Variants in PCDHGB4 observed in about 807,000 individuals in gnomAD.
PCDHGB4 encodes the protein protocadherin gamma-B4.
In PCDHGB4, 38 loss-of-function variants were observed where a neutral mutation model predicts 60.5. The ratio of observed to expected loss-of-function variants is 0.63; its 90% confidence interval spans 0.48 to 0.82. The LOEUF (loss-of-function observed/expected upper bound fraction) is 0.82, where lower values mean the gene tolerates loss of function less well. Among genes scored for constraint, PCDHGB4 ranks in the 40% least tolerant of loss-of-function variants. PCDHGB4 has a pLI of 0.00. For missense variants in PCDHGB4, 1,109 were observed against 1,209.6 expected (o/e 0.92, Z 1.23); for synonymous variants, 456 against 509.7 (o/e 0.89, Z 1.42).
Position 141,505,350 on chromosome 5 carries a change from G to A in PCDHGB4, c.2457-43G>A, listed in dbSNP as rs367663588. ...AGAGGACAGGAGGGGCATGAGCTGT[G>A]CCGGCCTGGGAGTCTGTGCTCACCA... On this transcript the variant is annotated intron_variant, in intron 2 of 3. Transcript: ENST00000519479. The A allele has an allele frequency of 4.3e-6, 7 of 1,613,264 alleles. No homozygotes were observed. In the African/African-American group the frequency reaches 6.7e-5, roughly 15 times the overall value.
chr5:141,404,849 C>G, intron 1 of PCDHGB4: 1 of 1,613,862 alleles, frequency 6.2e-7, no homozygotes, highest in Non-Finnish European at 8.5e-7. Context: ...TCGGGCCCTG[C>G]TAGATAGAGA....
At chr5:141,427,650 G>C (rs1352503291) in intron 1 of PCDHGB4, 1 of 718,312 alleles carries the variant, frequency 1.4e-6, no homozygotes. Flanking sequence ...AGTCTCCTAC[G>C]TGGTCCACGT....
chr5:141,498,053 G>A (rs2099781284), intron 2 of PCDHGB4, among the ~76,000 whole-genome samples: 1 of 152,204 alleles, frequency 6.6e-6, no homozygotes, highest in Non-Finnish European at 1.5e-5. Flanking sequence ...AAATAAATGT[G>A]AGACTGAAAC....
intron 1 of PCDHGB4, chr5:141,421,806 A>G: frequency 6.2e-7 from 1 of 1,613,842 alleles, no homozygotes; most frequent in Non-Finnish European, 8.5e-7. Context: ...CCAAGAATCC[A>G]GAGCTAGTAC....
chr5:141,459,843 T>C (rs1328781794), intron 1 of PCDHGB4, among the ~76,000 whole-genome samples: 1 of 152,228 alleles, frequency 6.6e-6, no homozygotes, highest in African/African-American at 2.4e-5. Context: ...TGTCTATTTG[T>C]ATATCTTCTT....
At chr5:141,492,256 A>G (rs1323720621) in intron 1 of PCDHGB4, among the ~76,000 whole-genome samples, 1 of 151,974 alleles carries the variant, frequency 6.6e-6, no homozygotes, top group Non-Finnish European at 1.5e-5. Context: ...CGGCCCACAC[A>G]AGTTGCACGG....
intron 1 of PCDHGB4, among the ~76,000 whole-genome samples, chr5:141,492,336 A>G (rs1353947767): frequency 1.3e-5 from 2 of 152,072 alleles, no homozygotes; most frequent in East Asian, 3.9e-4. Context: ...TTACGCGAAT[A>G]CCAGCTTTCA....
At chr5:141,509,117 G>A (rs1271574654) in intron 3 of PCDHGB4, among the ~76,000 whole-genome samples, 1 of 152,150 alleles carries the variant, frequency 6.6e-6, no homozygotes, top group Admixed American at 6.5e-5. Flanking sequence ...GCGCTGGTGC[G>A]TGAAGAGAAA....
Position 141,486,817 on chromosome 5 carries a change from T to A in PCDHGB4, c.2398-7990T>A, listed in dbSNP as rs143638501. On this transcript the variant is annotated intron_variant, in intron 1 of 3. Transcript: ENST00000519479. The surrounding 1 kb of genome is among the most constrained non-coding windows in gnomAD (Gnocchi z 5.0). ...GGGGCAACCCACCCCTTAGCAGCAC[T>A]GTAACAGTTCGTCTATTTGTGCTGG... 1 of 1,614,102 alleles carries A rather than the reference T, an allele frequency of 6.2e-7. No homozygotes were observed. Among genetic ancestry groups the A allele is most frequent in the East Asian group, 2.2e-5 (1 of 44,898 alleles).
chr5:141,484,716 G>C (rs1375103858), intron 1 of PCDHGB4, among the ~76,000 whole-genome samples: 1 of 152,030 alleles, frequency 6.6e-6, no homozygotes, highest in African/African-American at 2.4e-5. Context: ...CGCCGAAAAG[G>C]GGCGGGGTCA....
intron 1 of PCDHGB4, among the ~76,000 whole-genome samples, chr5:141,447,279 A>G (rs1394174534): frequency 1.3e-5 from 2 of 152,156 alleles, no homozygotes; most frequent in African/African-American, 4.8e-5. Flanking sequence ...AGCTGGGACT[A>G]CAGGCACATG....
chr5:141,413,122 G>A, intron 1 of PCDHGB4: 1 of 1,525,890 alleles, frequency 6.6e-7, no homozygotes. Flanking sequence ...GGAACCGGTT[G>A]AAACACACAA....
At chr5:141,497,129 T>G (rs528066007) in intron 2 of PCDHGB4, among the ~76,000 whole-genome samples, 1 of 151,692 alleles carries the variant, frequency 6.6e-6, no homozygotes, top group Admixed American at 6.6e-5. Flanking sequence ...GAGGTTGCAG[T>G]GAGCTGAGAT....
chr5:141,405,638 CT>C lies in PCDHGB4; in HGVS notation c.2397+15358del. ...TACAGGCACGTGCCACCACGCCCGG[CT>C]AATTTTTTGTGTGTTTTTAGTAGAG... is the stretch of plus-strand genomic sequence containing the variant. On this transcript the variant is annotated intron_variant, in intron 1 of 3. Coordinates refer to ENST00000519479, the MANE Select transcript of PCDHGB4 (RefSeq NM_003736.4). 3 of 528,680 alleles carry C rather than the reference CT, an allele frequency of 5.7e-6. No individual in the cohort carries two copies. The East Asian group carries it at 9.4e-5, about 17-fold the overall frequency. 32.7% of individuals were successfully genotyped at this position (528,680 alleles called of 1,614,324 possible).
rs1421124374 is a variant in PCDHGB4, at chr5:141,431,186, A to G, written c.2397+40905A>G. The G allele has an allele frequency of 1.9e-6, 3 of 1,614,110 alleles. No individual in the cohort carries two copies. ...TGAAAGTGAATTAGAAATAAAAATT[A>G]GTGAAAATGCAGCCACTGAGATGCG... On this transcript the variant is annotated intron_variant, in intron 1 of 3. Transcript: ENST00000519479. This position sits in a 1 kb window ranked among gnomAD's most constrained non-coding sequence, Gnocchi z 4.8.
At chr5:141,414,692 C>T (rs2095777962) in intron 1 of PCDHGB4, 1 of 1,613,918 alleles carries the variant, frequency 6.2e-7, no homozygotes, top group African/African-American at 1.3e-5. Flanking sequence ...GTACCTCTGT[C>T]CTCATACATA....
In PCDHGB4 at chr5:141,491,219, C is replaced by T; in HGVS notation, c.2398-3588C>T. ...GGTGACCCTTCACTCTCCTCCACAG[C>T]CACAGTGCTGCTGGTTCTGGAGGAT... is the stretch of plus-strand genomic sequence containing the variant. On this transcript the variant is annotated intron_variant, in intron 1 of 3. Coordinates refer to ENST00000519479, the MANE Select transcript of PCDHGB4 (RefSeq NM_003736.4). The surrounding 1 kb of genome is among the most constrained non-coding windows in gnomAD (Gnocchi z 6.9). 3 of 1,614,208 alleles carry T rather than the reference C, an allele frequency of 1.9e-6. No homozygotes were observed. The highest frequency in any genetic ancestry group is 2.5e-6 in the Non-Finnish European group (3 of 1,180,028).
chr5:141,426,439 G>A, intron 1 of PCDHGB4: 1 of 302,400 alleles, frequency 3.3e-6, no homozygotes, highest in Non-Finnish European at 6.5e-6. Flanking sequence ...GAACCTTGCG[G>A]AGGACATGCG....
chr5:141,396,492 C>G (rs970666488), intron 1 of PCDHGB4: 1 of 151,944 alleles, frequency 6.6e-6, no homozygotes, highest in Non-Finnish European at 1.5e-5. Context: ...TGGTGGCATG[C>G]GCCTGTGGTC....
Sources: allele counts gnomAD v4.1 joint callset (sites outside exome capture counted in the v4.1 genomes callset), GRCh38; gene constraint gnomAD v4.1.1; non-coding constraint Gnocchi (gnomAD v3.1); transcripts MANE v1.5; gene names NCBI Gene and HGNC (gene_info 2026-07-23, HGNC 2026-07-21).